Variants in LAMB1 observed in about 807,000 individuals in gnomAD.
LAMB1 encodes laminin subunit beta-1.
LAMB1 carries 121 observed loss-of-function variants against 222.3 expected under a neutral mutation model. The ratio of observed to expected loss-of-function variants is 0.54; its 90% confidence interval spans 0.47 to 0.63. LAMB1 has a LOEUF of 0.63. LAMB1 is among the 30% of genes least tolerant of loss of function. The pLI is 0.00. For synonymous variants in LAMB1, 794 were observed against 807.2 expected (o/e 0.98, Z 0.28); for missense variants, 2,172 against 2,240.8 (o/e 0.97, Z 0.62).
rs1279575821 is a variant in LAMB1, at chr7:107,973,005, C to T, written c.1549G>A (p.Ala517Thr). 6.2e-7 allele frequency: 1 copy of T among 1,613,732 alleles called. No individual in the cohort carries two copies. The highest frequency in any genetic ancestry group is 8.5e-7 in the Non-Finnish European group (1 of 1,179,640). ...CRPCDCDLGGALNNSCFAESG... is the reference protein window; with the variant it reads ...CRPCDCDLGGTLNNSCFAESG... Reference sequence around the variant, plus strand: ...AGCTCCATTTACCTGTTGTTTAAGGCTCCCCCAAGGTCACAGTCACATGGT... The same window carrying T: ...AGCTCCATTTACCTGTTGTTTAAGGTTCCCCCAAGGTCACAGTCACATGGT... Residue 517 changes from alanine to threonine, a missense_variant, in exon 13 of 34, where the codon GCC becomes ACC. Ala to Thr is a moderately conservative substitution (Grantham distance 58). Coordinates refer to ENST00000222399, the MANE Select transcript of LAMB1 (RefSeq NM_002291.3).
intron 5 of LAMB1, among the ~76,000 whole-genome samples, chr7:107,988,732 C>T (rs2034128071): frequency 6.6e-6 from 1 of 152,014 alleles, no homozygotes; most frequent in Admixed American, 6.6e-5. Context: ...TGTCTGGTGT[C>T]CTTATAAGAA....
chr7:108,001,764 G>A, intron 2 of LAMB1, 31 bp from the exon 3 acceptor site: 1 of 1,609,772 alleles, frequency 6.2e-7, no homozygotes, highest in South Asian at 1.1e-5. Context: ...AGAGTTGGGG[G>A]GACACAAGCA....
At chr7:107,998,548 T>A in intron 3 of LAMB1, 56 bp from the exon 4 acceptor site, 1 of 1,506,546 alleles carries the variant, frequency 6.6e-7, no homozygotes, top group Non-Finnish European at 9.0e-7. Context: ...AAAACATTTT[T>A]AATTAAAAAA....
intron 5 of LAMB1, among the ~76,000 whole-genome samples, chr7:107,990,650 C>G (rs915385714): frequency 9.4e-5 from 14 of 149,454 alleles, no homozygotes; most frequent in African/African-American, 3.6e-4. Context: ...TCAGCCCTTT[C>G]CTTCCACTGT....
At chr7:107,995,150 A>G (rs927830688) in intron 4 of LAMB1, among the ~76,000 whole-genome samples, 190 bp from the exon 5 acceptor site, 7 of 152,238 alleles carry the variant, frequency 4.6e-5, no homozygotes, top group Non-Finnish European at 8.8e-5. Context: ...CACAAGTTGA[A>G]TGATTCTTTA....
At chr7:107,959,888 T>A in intron 18 of LAMB1, 54 bp from the exon 19 acceptor site, 2 of 1,573,014 alleles carry the variant, frequency 1.3e-6, no homozygotes, top group South Asian at 2.3e-5. Flanking sequence ...ATCATCGGGC[T>A]CTCCCTGATC....
At position 107,974,840 on chromosome 7, in the gene LAMB1, A is replaced by G. The variant is rs143938527; in HGVS notation, c.1482+146T>C. The G allele has an allele frequency of 4.1e-3, 2,273 of 558,744 alleles. 13 individuals carry two copies. Among genetic ancestry groups the G allele is most frequent in the Admixed American group, 5.6e-3 (186 of 33,478 alleles). 34.6% of individuals were successfully genotyped at this position (558,744 alleles called of 1,614,324 possible). On this transcript the variant is annotated intron_variant, in intron 12 of 33. Transcript: ENST00000222399. ...ACATCTTGTGAAATCATCCATTAGTAATTCCTATTGTGTGCATTGTCTACT... is the reference window on the plus strand; with the variant it reads ...ACATCTTGTGAAATCATCCATTAGTGATTCCTATTGTGTGCATTGTCTACT...
In LAMB1 at chr7:107,929,586, A is replaced by G. The variant is rs763827165; in HGVS notation, c.4571T>C (p.Val1524Ala). The change falls in exon 30 of 34, where the codon GTT (valine) becomes GCT (alanine). Residue 1524 changes from valine (V) to alanine (A), a missense_variant. By Grantham distance (64) the Val-to-Ala change is moderately conservative. Transcript: ENST00000222399. Reference protein sequence around the residue: ...DSADLDSIEAVANEVLKMEMP... With the variant: ...DSADLDSIEAAANEVLKMEMP... The stretch of plus-strand genomic sequence containing the variant: ...CTCCATTTTCAATACTTCATTAGCA[A>G]CTGCTTCAATGCTGTCCAAATCAGC... 3.1e-6 allele frequency: 5 copies of G among 1,614,112 alleles called. No individual in the cohort carries two copies. Among genetic ancestry groups the G allele is most frequent in the Admixed American group, 1.7e-5 (1 of 60,008 alleles).
intron 24 of LAMB1, among the ~76,000 whole-genome samples, chr7:107,950,060 T>C (rs918552452): frequency 6.6e-6 from 1 of 152,228 alleles, no homozygotes; most frequent in Non-Finnish European, 1.5e-5. Context: ...TGAAACCCCA[T>C]CTCTACTAAA....
At chr7:107,999,256 T>C (rs1016562779) in intron 3 of LAMB1, among the ~76,000 whole-genome samples, 2 of 152,212 alleles carry the variant, frequency 1.3e-5, no homozygotes, top group African/African-American at 4.8e-5. Flanking sequence ...CCTGGGCAGT[T>C]GGGTTAGGAG....
At chr7:107,964,408 A>G in intron 14 of LAMB1, 144 bp downstream of exon 14, 3 of 948,092 alleles carry the variant, frequency 3.2e-6, no homozygotes, top group Non-Finnish European at 4.8e-6. Context: ...GACTCTTCTC[A>G]GGAAGGCATG....
chr7:107,958,227 C>G (rs956546461), intron 20 of LAMB1, among the ~76,000 whole-genome samples: 14 of 152,180 alleles, frequency 9.2e-5, no homozygotes, highest in Non-Finnish European at 1.0e-4. Context: ...CCTCCTTTCA[C>G]TGTTGTATAA....
chr7:107,970,003 T>C (rs957661358), intron 13 of LAMB1, among the ~76,000 whole-genome samples: 1 of 152,252 alleles, frequency 6.6e-6, no homozygotes, highest in Non-Finnish European at 1.5e-5. Flanking sequence ...CAATAAATTT[T>C]AGTCCCTCAT....
intron 5 of LAMB1, among the ~76,000 whole-genome samples, chr7:107,987,446 G>C (rs904677347): frequency 6.6e-6 from 1 of 152,054 alleles, no homozygotes; most frequent in African/African-American, 2.4e-5. Context: ...TTTCTGTTAT[G>C]GATATTTTAC....
rs151159011 is a variant in LAMB1, at chr7:107,963,303, G to C, written c.1699-240C>G. Among the ~76,000 whole-genome samples, 4 of 152,270 alleles carry C rather than the reference G, an allele frequency of 2.6e-5. No homozygotes were observed. The East Asian group carries it at 5.8e-4, about 22-fold the overall frequency. On this transcript the variant is annotated intron_variant, in intron 14 of 33. Coordinates refer to ENST00000222399, the MANE Select transcript of LAMB1 (RefSeq NM_002291.3). ...GGGACACTGGATATAGCACTCAAAG[G>C]CTTGGGATATACCTTATTTGATATG...
At chr7:107,964,028 C>A (rs571644685) in intron 14 of LAMB1, among the ~76,000 whole-genome samples, 2 of 152,242 alleles carry the variant, frequency 1.3e-5, no homozygotes, top group South Asian at 4.2e-4. Context: ...ACCCAGCAGG[C>A]GGAGGTTGTG....
rs2032492574 is a variant in LAMB1 at position 107,924,002 on chromosome 7, TGAACGG to T, written c.5304_5309del (p.Arg1769_Ser1770del). The T allele has an allele frequency of 1.9e-6, 3 of 1,604,274 alleles. No individual in the cohort carries two copies. The highest frequency in any genetic ancestry group is 2.5e-6 in the Non-Finnish European group (3 of 1,177,708). ...CTTTCTGGCTTATATCCTTTAGGAG[TGAACGG>T]ACTTCTCCTTCCAGTCTTGCTAATT... On this transcript the variant is annotated inframe_deletion, in exon 34 of 34. Coordinates refer to ENST00000222399, the MANE Select transcript of LAMB1 (RefSeq NM_002291.3).
chr7:107,960,042 C>T (rs961891041), intron 18 of LAMB1, among the ~76,000 whole-genome samples: 2 of 152,156 alleles, frequency 1.3e-5, no homozygotes, highest in African/African-American at 4.8e-5. Context: ...ATGTTTTCTC[C>T]CCTTGCCTTC....
At chr7:107,955,103 GACT>G in intron 21 of LAMB1, among the ~76,000 whole-genome samples, 1 of 152,256 alleles carries the variant, frequency 6.6e-6, no homozygotes, top group Admixed American at 6.5e-5. Flanking sequence ...TCTTTCTTCT[GACT>G]ACTATTTGGT....
Sources: allele counts gnomAD v4.1 joint callset (sites outside exome capture counted in the v4.1 genomes callset), GRCh38; gene constraint gnomAD v4.1.1; transcripts MANE v1.5; gene names NCBI Gene and HGNC (gene_info 2026-07-23, HGNC 2026-07-21).